The following SLC29A4 variants were observed in gnomAD, a reference collection of about 807,000 sequenced individuals.
The protein encoded by SLC29A4 is solute carrier family 29 member 4.
In SLC29A4, 36 loss-of-function variants were observed where a neutral mutation model predicts 43.9. The ratio of observed to expected loss-of-function variants is 0.82; its 90% CI spans 0.63 to 1.08. The LOEUF is 1.08. Ranked by LOEUF, SLC29A4 falls within the 50% of genes least tolerant of loss-of-function variation. The pLI is 0.00. For missense variants in SLC29A4, 869 were observed against 755.3 expected, an observed-to-expected ratio of 1.15 and a Z score of -1.77; for synonymous variants, 491 against 338.0, an observed-to-expected ratio of 1.45 and a Z score of -4.97.
rs1422574959 is a variant in SLC29A4, at chr7:5,287,850, C to T, written c.34C>T (p.Pro12Ser). The change falls in exon 2 of 11, where the codon CCC (proline) becomes TCC (serine). Residue 12 changes from proline to serine, a missense_variant. Coordinates refer to ENST00000396872, the MANE Select transcript of SLC29A4 (RefSeq NM_153247.4). ...CGTGGGGAGCCAGCGCCTTGAGGAG[C>T]CCAGCGTGGCAGGCACACCAGACCC... The part of the protein sequence containing the change: ...GSVGSQRLEE[P>S]SVAGTPDPGV... 1 of 1,611,776 alleles carries T rather than the reference C, an allele frequency of 6.2e-7. No individual in the cohort carries two copies. The highest frequency in any genetic ancestry group is 8.5e-7 in the Non-Finnish European group (1 of 1,179,832).
chr7:5,295,786 C>T (rs1031525633), intron 6 of SLC29A4, among the ~76,000 whole-genome samples: 2 of 126,880 alleles, frequency 1.6e-5, no homozygotes, highest in African/African-American at 5.8e-5. Context: ...GTGGGAGGTC[C>T]TGGTTCCTGT....
chr7:5,284,840 G>T (rs1307595950), intron 1 of SLC29A4, among the ~76,000 whole-genome samples: 1 of 152,218 alleles, frequency 6.6e-6, no homozygotes, highest in Non-Finnish European at 1.5e-5. Context: ...TGGATGCCAA[G>T]CACGTCCGCC....
intron 4 of SLC29A4, 97 bp downstream of exon 4, chr7:5,291,334 C>A: frequency 1.7e-6 from 2 of 1,195,352 alleles, no homozygotes; most frequent in Non-Finnish European, 2.4e-6. Flanking sequence ...TCACTCCCCT[C>A]GTCTGTAAAA....
Position 5,290,819 on chromosome 7 carries a change from A to G in SLC29A4, c.257A>G (p.Asn86Ser), listed in dbSNP as rs781008438. The stretch of plus-strand genomic sequence containing the variant: ...GGCGTGGGCTTCCTGCTGCCATACA[A>G]CAGCTTCATCACGGACGTGGACTAC... ...LAGVGFLLPYNSFITDVDYLH... is the reference protein window; with the variant it reads ...LAGVGFLLPYSSFITDVDYLH... The change falls in exon 3 of 11, where the codon AAC (asparagine) becomes AGC (serine). Residue 86 changes from asparagine to serine, a missense_variant. Coordinates refer to ENST00000396872, the MANE Select transcript of SLC29A4 (RefSeq NM_153247.4). 2 of 1,613,948 alleles carry G rather than the reference A, an allele frequency of 1.2e-6. No homozygotes were observed. The highest frequency in any genetic ancestry group is 2.2e-5 in the South Asian group (2 of 91,084).
intron 6 of SLC29A4, among the ~76,000 whole-genome samples, chr7:5,295,868 C>T (rs916877899): frequency 1.1e-4 from 16 of 152,244 alleles, no homozygotes; most frequent in African/African-American, 3.6e-4. Flanking sequence ...ACTGATGTCG[C>T]GTGGTTTATG....
At chr7:5,288,592 G>A (rs540542939) in intron 2 of SLC29A4, among the ~76,000 whole-genome samples, 7 of 152,042 alleles carry the variant, frequency 4.6e-5, no homozygotes, top group East Asian at 3.9e-4. Context: ...GCGCCCGTCC[G>A]CTGACCCATA....
chr7:5,297,418 C>T (rs929560271), intron 7 of SLC29A4, among the ~76,000 whole-genome samples: 11 of 152,234 alleles, frequency 7.2e-5, no homozygotes, highest in African/African-American at 2.2e-4. Flanking sequence ...GGCCCCACTC[C>T]ACCCGCATCT....
chr7:5,288,298 C>CTTTTTTTTTTTT (rs34436127), intron 2 of SLC29A4, among the ~76,000 whole-genome samples: 1 of 68,756 alleles, frequency 1.5e-5, no homozygotes, highest in Non-Finnish European at 2.6e-5. Context: ...CGTACAGCTT[C>CTTTTTTTTTTTT]TTTTTTTTTT....
intron 4 of SLC29A4, among the ~76,000 whole-genome samples, 200 bp downstream of exon 4, chr7:5,291,437 G>C (rs187802559): frequency 5.3e-4 from 81 of 152,368 alleles, no homozygotes; most frequent in African/African-American, 1.9e-3. Context: ...CCTTGCCCAA[G>C]CTCTTCCCCA....
chr7:5,300,103 G>A (rs773131705), intron 9 of SLC29A4, among the ~76,000 whole-genome samples: 12 of 152,132 alleles, frequency 7.9e-5, no homozygotes, highest in African/African-American at 1.9e-4. Context: ...GTGGTGGTGC[G>A]TGCCTATGGT....
intron 3 of SLC29A4, 55 bp from the exon 4 acceptor site, chr7:5,291,069 G>C (rs1785272824): frequency 6.3e-7 from 1 of 1,592,862 alleles, no homozygotes; most frequent in Non-Finnish European, 8.6e-7. Context: ...CCTGGCAGGA[G>C]TCAGTGCAGG....
rs1784736436 is a variant in SLC29A4 at position 5,282,987 on chromosome 7, G to A, written c.-104G>A. On this transcript the variant is annotated 5_prime_UTR_variant, in exon 1 of 11. Coordinates refer to ENST00000396872, the MANE Select transcript of SLC29A4 (RefSeq NM_153247.4). ...GTGGACCGGGGCCGGGCGGACTCGGGGACCGGCGGAGGACGCCGGGCGCGC... is the reference window on the plus strand; with the variant it reads ...GTGGACCGGGGCCGGGCGGACTCGGAGACCGGCGGAGGACGCCGGGCGCGC... 1 of 136,960 alleles carries A rather than the reference G, an allele frequency of 7.3e-6. No individual in the cohort carries two copies. Among genetic ancestry groups the A allele is most frequent in the Admixed American group, 7.0e-5 (1 of 14,300 alleles). 8.5% of individuals were successfully genotyped at this position (136,960 alleles called of 1,614,324 possible).
chr7:5,291,606 C>G, intron 4 of SLC29A4, 87 bp from the exon 5 acceptor site: 1 of 1,494,326 alleles, frequency 6.7e-7, no homozygotes, highest in African/African-American at 1.4e-5. Context: ...GAGAAAGCCT[C>G]AGAGCGACTC....
chr7:5,291,247 G>T lies in SLC29A4; in HGVS notation c.415+10G>T. 1 of 1,608,518 alleles carries T rather than the reference G, an allele frequency of 6.2e-7. No homozygotes were observed. Among genetic ancestry groups the T allele is most frequent in the Non-Finnish European group, 8.5e-7 (1 of 1,178,410 alleles). ...ACCAGGATCACCGCAGGTGCGCTGGGCCCCGCCACGGGACACCTGCCTGTC... is the reference window on the plus strand; with the variant it reads ...ACCAGGATCACCGCAGGTGCGCTGGTCCCCGCCACGGGACACCTGCCTGTC... On this transcript the variant is annotated intron_variant, in intron 4 of 10. Coordinates refer to ENST00000396872, the MANE Select transcript of SLC29A4 (RefSeq NM_153247.4).
At chr7:5,297,444 G>C (rs1406281444) in intron 7 of SLC29A4, among the ~76,000 whole-genome samples, 1 of 152,236 alleles carries the variant, frequency 6.6e-6, no homozygotes, top group Non-Finnish European at 1.5e-5. Context: ...CCGGGGATCT[G>C]CCCAGCTGCT....
intron 1 of SLC29A4, among the ~76,000 whole-genome samples, chr7:5,283,536 T>G (rs1784781132): frequency 6.6e-6 from 1 of 152,028 alleles, no homozygotes; most frequent in Non-Finnish European, 1.5e-5. Flanking sequence ...GCGAGCCAAC[T>G]TTGCGGCTGA....
chr7:5,284,094 G>A (rs186896677), intron 1 of SLC29A4, among the ~76,000 whole-genome samples: 1 of 148,926 alleles, frequency 6.7e-6, no homozygotes, highest in Admixed American at 7.0e-5. Context: ...GCAAAGTGGT[G>A]AGGGGCCTTG....
In SLC29A4 at chr7:5,290,122, C is replaced by T. The variant is rs539882195; in HGVS notation, c.170-610C>T. On this transcript the variant is annotated intron_variant, in intron 2 of 10. Coordinates refer to ENST00000396872, the MANE Select transcript of SLC29A4 (RefSeq NM_153247.4). Reference sequence around the variant, plus strand: ...AGGTTGGAGTGCAGTGGCGCGATCTCGGCTCACTGCAAGCTCCGCTTCCTG... The same window carrying T: ...AGGTTGGAGTGCAGTGGCGCGATCTTGGCTCACTGCAAGCTCCGCTTCCTG... 3.9e-3 allele frequency among the ~76,000 whole-genome samples: 571 copies of T among 146,910 alleles called. 7 individuals carry two copies. The highest frequency in any genetic ancestry group is 0.014 in the African/African-American group (556 of 39,806).
At chr7:5,299,471 G>C in intron 9 of SLC29A4, 44 bp downstream of exon 9, 1 of 1,582,284 alleles carries the variant, frequency 6.3e-7, no homozygotes. Flanking sequence ...GCCATGGGGT[G>C]GGGGTGACAA....
Sources: allele counts gnomAD v4.1 joint callset (sites outside exome capture counted in the v4.1 genomes callset), GRCh38; gene constraint gnomAD v4.1.1; transcripts MANE v1.5; gene names NCBI Gene and HGNC (gene_info 2026-07-23, HGNC 2026-07-21).